TOX3: variants seen among roughly 807,000 people sequenced by gnomAD.
TOX3 encodes the protein TOX high mobility group box family member 3, also known as CAG trinucleotide repeat-containing gene F9 protein.
A neutral mutation model predicts 64.3 loss-of-function variants in TOX3; 22 were observed. The observed-to-expected ratio is 0.34, with a 90% CI of 0.24 to 0.49. TOX3 has a LOEUF of 0.49. Ranked by LOEUF, TOX3 falls within the 20% of genes least tolerant of loss-of-function variation. The probability of loss-of-function intolerance (pLI) is 0.99; values close to 1 mark genes in which losing one functional copy is unlikely to be tolerated. For missense variants in TOX3, 661 were observed against 714.4 expected (o/e 0.93, Z 0.85); for synonymous variants, 291 against 273.6 (o/e 1.06, Z -0.63).
At chr16:52,542,645 C>G (rs913081592) in intron 1 of TOX3, among the ~76,000 whole-genome samples, 1 of 152,092 alleles carries the variant, frequency 6.6e-6, no homozygotes, top group Non-Finnish European at 1.5e-5. Flanking sequence ...ACTTGCTGTC[C>G]CAAGAGACAA....
intron 1 of TOX3, among the ~76,000 whole-genome samples, chr16:52,492,209 T>C (rs1961706073): frequency 6.8e-6 from 1 of 147,450 alleles, no homozygotes; most frequent in African/African-American, 2.5e-5. Context: ...CAAACTAATA[T>C]ATATATTTAT....
chr16:52,547,012 G>A lies in TOX3; in HGVS notation c.-289C>T, dbSNP rs1596877685. 5 of 928,982 alleles carry A rather than the reference G, an allele frequency of 5.4e-6. No individual in the cohort carries two copies. The highest frequency in any genetic ancestry group is 6.4e-6 in the Non-Finnish European group (5 of 780,904). 57.5% of individuals were successfully genotyped at this position (928,982 alleles called of 1,614,324 possible). A position where few individuals can be genotyped will look rare whatever the true frequency, so the allele number is the denominator to read the frequency against. ...GGGCCGGGCGCCGGGGGCGCGGGGC[G>A]CGGCGCTGGGGCCCGGGTCGGCGAG... is the stretch of plus-strand genomic sequence containing the variant. On this transcript the variant is annotated 5_prime_UTR_variant, in exon 1 of 7. Coordinates refer to ENST00000219746, the MANE Select transcript of TOX3 (RefSeq NM_001080430.4).
chr16:52,491,323 C>T (rs1961681091), intron 1 of TOX3, among the ~76,000 whole-genome samples: 1 of 152,072 alleles, frequency 6.6e-6, no homozygotes. Context: ...AGCCCTTTCA[C>T]ACTGGACTAT....
chr16:52,441,880 A>G (rs1960001855), intron 6 of TOX3, among the ~76,000 whole-genome samples: 1 of 152,196 alleles, frequency 6.6e-6, no homozygotes, highest in Non-Finnish European at 1.5e-5. Flanking sequence ...CTGAACCGTC[A>G]TGTTCTAAGG....
At chr16:52,479,081 A>T (rs530802063) in intron 1 of TOX3, among the ~76,000 whole-genome samples, 2 of 152,340 alleles carry the variant, frequency 1.3e-5, no homozygotes, top group East Asian at 3.9e-4. Context: ...ATGACTCCTC[A>T]TGACAGGTAC....
At chr16:52,461,959 T>C (rs974774761) in intron 3 of TOX3, among the ~76,000 whole-genome samples, 1 of 152,150 alleles carries the variant, frequency 6.6e-6, no homozygotes, top group Non-Finnish European at 1.5e-5. Context: ...AACAACACAT[T>C]GTATTCATCA....
chr16:52,488,027 G>T (rs774765818), intron 1 of TOX3, among the ~76,000 whole-genome samples: 1 of 152,146 alleles, frequency 6.6e-6, no homozygotes, highest in Non-Finnish European at 1.5e-5. Context: ...GTAAGCCAAA[G>T]GGAAACTTCC....
chr16:52,465,046 G>A (rs1425955968), intron 2 of TOX3, among the ~76,000 whole-genome samples: 2 of 104,882 alleles, frequency 1.9e-5, no homozygotes, highest in Non-Finnish European at 3.5e-5. Context: ...ACAGAGTCTC[G>A]CTCTGTCTCC....
chr16:52,504,347 G>C (rs1308097426), intron 1 of TOX3, among the ~76,000 whole-genome samples: 1 of 151,554 alleles, frequency 6.6e-6, no homozygotes, highest in Non-Finnish European at 1.5e-5. Context: ...GGCACCTGTC[G>C]TTCCAGCTAC....
Position 52,546,103 on chromosome 16 carries a change from G to A in TOX3, c.87+534C>T, listed in dbSNP as rs534083926. Among the ~76,000 whole-genome samples, 161 of 152,234 alleles carry A rather than the reference G, an allele frequency of 1.1e-3. 2 individuals are homozygous for A. Among genetic ancestry groups the A allele is most frequent in the Admixed American group, 1.8e-3 (28 of 15,296 alleles). On this transcript the variant is annotated intron_variant, in intron 1 of 6. Transcript: ENST00000219746. The stretch of plus-strand genomic sequence containing the variant: ...AAGGGCAGCAAAGGCCACCTGCGGG[G>A]TCCCACCACTTCCCCCCACTCCCCT...
intron 1 of TOX3, among the ~76,000 whole-genome samples, chr16:52,479,929 T>C (rs186900136): frequency 6.6e-6 from 1 of 152,272 alleles, no homozygotes; most frequent in African/African-American, 2.4e-5. Context: ...AAACAACTCT[T>C]TGGAAAAGGC....
At chr16:52,504,159 TC>T (rs1042339271) in intron 1 of TOX3, among the ~76,000 whole-genome samples, 6 of 152,262 alleles carry the variant, frequency 3.9e-5, no homozygotes, top group Admixed American at 1.3e-4. Context: ...CCAAGTATTT[TC>T]CCATAAGAAG....
chr16:52,488,007 G>A (rs1244326710), intron 1 of TOX3, among the ~76,000 whole-genome samples: 5 of 152,158 alleles, frequency 3.3e-5, no homozygotes, highest in African/African-American at 1.2e-4. Context: ...GGTCCTATCA[G>A]TTATCTTAAG....
At chr16:52,513,900 T>G (rs1962377628) in intron 1 of TOX3, among the ~76,000 whole-genome samples, 1 of 152,204 alleles carries the variant, frequency 6.6e-6, no homozygotes, top group African/African-American at 2.4e-5. Context: ...ACCATTTATA[T>G]AAAAGTTTCT....
chr16:52,519,454 G>A (rs1158486539), intron 1 of TOX3: 17 of 1,551,386 alleles, frequency 1.1e-5, no homozygotes, highest in Non-Finnish European at 1.4e-5. Context: ...CAATGCGCCT[G>A]GCTCCCGAGC....
intron 1 of TOX3, among the ~76,000 whole-genome samples, chr16:52,490,073 A>T (rs1273818973): frequency 6.6e-6 from 1 of 152,164 alleles, no homozygotes; most frequent in Non-Finnish European, 1.5e-5. Flanking sequence ...CGCGCCCAGC[A>T]TATGATGTGA....
At chr16:52,481,846 T>C (rs1961378225) in intron 1 of TOX3, among the ~76,000 whole-genome samples, 1 of 152,188 alleles carries the variant, frequency 6.6e-6, no homozygotes, top group Non-Finnish European at 1.5e-5. Flanking sequence ...ATAGCTATCA[T>C]TAGTTCTCTG....
intron 1 of TOX3, among the ~76,000 whole-genome samples, chr16:52,514,169 T>C (rs781193872): frequency 3.9e-5 from 6 of 152,202 alleles, no homozygotes; most frequent in Non-Finnish European, 7.3e-5. Context: ...TCTAAGGGAA[T>C]CAGAATACTG....
intron 2 of TOX3, among the ~76,000 whole-genome samples, chr16:52,465,411 TTTTTGGC>T (rs1325083933): frequency 2.5e-4 from 38 of 151,680 alleles, no homozygotes; most frequent in African/African-American, 8.7e-4. Context: ...TGGGGGGATT[TTTTTGGC>T]GAGAGGTTCT....
Sources: gnomAD v4.1 joint callset for allele counts (sites outside exome capture counted in the v4.1 genomes callset) on GRCh38, gnomAD v4.1.1 for gene constraint, MANE v1.5 for transcripts, NCBI Gene and HGNC (gene_info 2026-07-23, HGNC 2026-07-21) for gene names.